Variants in MAP4K5 observed in about 807,000 individuals in gnomAD.
MAP4K5 encodes mitogen-activated protein kinase kinase kinase kinase 5, also known as MAPK/ERK kinase kinase kinase 5.
MAP4K5 carries 82 observed loss-of-function variants against 135.6 expected under a neutral mutation model. The ratio of observed to expected loss-of-function variants is 0.60; its 90% CI spans 0.51 to 0.73. The LOEUF is 0.73. MAP4K5 is among the 30% of genes least tolerant of loss of function. The pLI is 0.00. For missense variants in MAP4K5, 907 were observed against 1,010.9 expected, an observed-to-expected ratio of 0.90 and a Z score of 1.39; for synonymous variants, 347 against 335.0, an observed-to-expected ratio of 1.04 and a Z score of -0.39.
intron 1 of MAP4K5, among the ~76,000 whole-genome samples, chr14:50,547,570 C>T (rs2038649607): frequency 6.6e-6 from 1 of 152,190 alleles, no homozygotes; most frequent in Admixed American, 6.5e-5. Context: ...ATTCTGAGAT[C>T]ACCCAAACAA....
intron 3 of MAP4K5, among the ~76,000 whole-genome samples, chr14:50,495,766 T>C (rs2037578444): frequency 6.6e-6 from 1 of 152,190 alleles, no homozygotes; most frequent in Admixed American, 6.5e-5. Flanking sequence ...ATAACATAGA[T>C]GAACCTTGAG....
At chr14:50,437,830 C>T (rs373522733) in intron 25 of MAP4K5, 64 bp downstream of exon 25, 57 of 1,036,576 alleles carry the variant, frequency 5.5e-5, no homozygotes, top group East Asian at 7.2e-5. Flanking sequence ...GCAAGAAATA[C>T]GGGCTATTTT....
At chr14:50,555,834 C>T (rs533129456) in intron 1 of MAP4K5, among the ~76,000 whole-genome samples, 2 of 152,224 alleles carry the variant, frequency 1.3e-5, no homozygotes, top group South Asian at 4.1e-4. Context: ...TTTTGTGTTA[C>T]CGCCAAAAGC....
At chr14:50,534,773 C>T (rs1455433693), upstream of MAP4K5, among the ~76,000 whole-genome samples, 1 of 152,208 alleles carries the variant, frequency 6.6e-6, no homozygotes, top group Non-Finnish European at 1.5e-5. Context: ...TTGTTTTATA[C>T]TAACTCCAAA....
intron 1 of MAP4K5, among the ~76,000 whole-genome samples, chr14:50,542,925 G>A (rs1013869473): frequency 1.3e-5 from 2 of 152,234 alleles, no homozygotes; most frequent in Non-Finnish European, 2.9e-5. Context: ...TTCATGCACA[G>A]TAGCTAATAG....
chr14:50,492,161 A>T (rs2037498131), intron 3 of MAP4K5, among the ~76,000 whole-genome samples: 1 of 152,080 alleles, frequency 6.6e-6, no homozygotes, highest in Admixed American at 6.6e-5. Flanking sequence ...TGTATTTCCT[A>T]TTTTAATCCT....
At chr14:50,462,280 C>G (rs537949933) in intron 13 of MAP4K5, among the ~76,000 whole-genome samples, 2 of 152,274 alleles carry the variant, frequency 1.3e-5, no homozygotes, top group South Asian at 4.1e-4. Flanking sequence ...ATCAAACTCA[C>G]TACAGAAGCT....
At chr14:50,559,540 G>A (rs2038807987) in intron 1 of MAP4K5, 1 of 152,090 alleles carries the variant, frequency 6.6e-6, no homozygotes, top group Non-Finnish European at 1.5e-5. Context: ...TTGGACTATA[G>A]GTCTGGACCT....
intron 6 of MAP4K5, among the ~76,000 whole-genome samples, 200 bp from the exon 7 acceptor site, chr14:50,476,506 C>CTGGA (rs1403131921): frequency 1.3e-5 from 2 of 152,222 alleles, no homozygotes; most frequent in African/African-American, 4.8e-5. Context: ...ACTGCCCAGG[C>CTGGA]TGGAGTGCAG....
chr14:50,553,967 T>G (rs2038735307), intron 1 of MAP4K5, among the ~76,000 whole-genome samples: 2 of 151,930 alleles, frequency 1.3e-5, no homozygotes, highest in African/African-American at 4.8e-5. Flanking sequence ...GTCGGGAGGG[T>G]GAGCAATGGA....
intron 5 of MAP4K5, among the ~76,000 whole-genome samples, chr14:50,484,451 A>G (rs2037320077): frequency 6.6e-6 from 1 of 152,124 alleles, no homozygotes; most frequent in Non-Finnish European, 1.5e-5. Context: ...TCCTCTGGTA[A>G]TGACTTAGTC....
intron 28 of MAP4K5, among the ~76,000 whole-genome samples, chr14:50,432,764 G>A (rs2036002322): frequency 6.6e-6 from 1 of 151,962 alleles, no homozygotes; most frequent in Non-Finnish European, 1.5e-5. Context: ...AAGTTGGGCT[G>A]TCAGCCAAAA....
chr14:50,449,635 A>C (rs1435394375), intron 14 of MAP4K5: 1 of 152,236 alleles, frequency 6.6e-6, no homozygotes, highest in African/African-American at 2.4e-5. Context: ...TACTGACATA[A>C]TTCATCACAT....
intron 6 of MAP4K5, among the ~76,000 whole-genome samples, chr14:50,481,967 A>G (rs1323761278): frequency 1.3e-5 from 2 of 152,222 alleles, no homozygotes; most frequent in Non-Finnish European, 2.9e-5. Context: ...TTACTGCCAT[A>G]AACTTGAAGG....
intron 18 of MAP4K5, among the ~76,000 whole-genome samples, 190 bp from the exon 19 acceptor site, chr14:50,444,226 C>T (rs185784195): frequency 6.6e-6 from 1 of 152,208 alleles, no homozygotes; most frequent in Admixed American, 6.5e-5. Flanking sequence ...GCATCTTTAG[C>T]AGTGGTCTTA....
intron 30 of MAP4K5, among the ~76,000 whole-genome samples, chr14:50,427,953 G>A (rs912330848): frequency 2.0e-5 from 3 of 152,006 alleles, no homozygotes; most frequent in Admixed American, 6.6e-5. Flanking sequence ...CACTGTTATC[G>A]CATCACACAA....
At chr14:50,526,855 T>C (rs992437181) in intron 2 of MAP4K5, among the ~76,000 whole-genome samples, 8 of 152,078 alleles carry the variant, frequency 5.3e-5, no homozygotes, top group African/African-American at 1.9e-4. Context: ...ATAAAGGAGA[T>C]TCCCCATAGC....
chr14:50,447,385 T>C, intron 16 of MAP4K5, 29 bp downstream of exon 16: 1 of 1,345,996 alleles, frequency 7.4e-7, no homozygotes, highest in South Asian at 1.3e-5. Flanking sequence ...TCAAATAAAA[T>C]ATAGTTATTA....
Position 50,502,877 on chromosome 14 carries a change from TAGAG to T in MAP4K5, c.166+1919_166+1922del, listed in dbSNP as rs567433410. On this transcript the variant is annotated intron_variant, in intron 3 of 32. Transcript: ENST00000682126. ...GAAACTAGCCATTTGAAAAAATACA[TAGAG>T]AGAGTTCTCTTTCATCCCTTAGAAC... Among the ~76,000 whole-genome samples the T allele has an allele frequency of 3.4e-4, 51 of 152,068 alleles. 1 individual carries two copies. The South Asian group carries it at 3.9e-3, about 12-fold the overall frequency.
Sources: allele counts gnomAD v4.1 joint callset (sites outside exome capture counted in the v4.1 genomes callset), GRCh38; gene constraint gnomAD v4.1.1; transcripts MANE v1.5; gene names NCBI Gene and HGNC (gene_info 2026-07-23, HGNC 2026-07-21).